The following ZMYM4 variants were observed in gnomAD, a reference collection of about 807,000 sequenced individuals.
ZMYM4 encodes zinc finger MYM-type containing 4.
In ZMYM4, 31 loss-of-function variants were observed where a neutral mutation model predicts 183.2. That is an observed-to-expected ratio of 0.17 (90% CI 0.13 to 0.23). The LOEUF (loss-of-function observed/expected upper bound fraction) is 0.23, where lower values mean the gene tolerates loss of function less well. Among genes scored for constraint, ZMYM4 ranks in the 10% least tolerant of loss-of-function variants. The pLI, the probability that ZMYM4 is intolerant of heterozygous loss-of-function variation, is 1.00. For missense variants in ZMYM4, 1,273 were observed against 1,840.3 expected, an observed-to-expected ratio of 0.69 and a Z score of 5.64; for synonymous variants, 592 against 631.2, an observed-to-expected ratio of 0.94 and a Z score of 0.93.
At chr1:35,297,062 C>G (rs1641054313) in intron 1 of ZMYM4, among the ~76,000 whole-genome samples, 1 of 151,966 alleles carries the variant, frequency 6.6e-6, no homozygotes, top group Admixed American at 6.6e-5. Context: ...GTTGGTCAGG[C>G]TGGTCTTGAA....
intron 1 of ZMYM4, among the ~76,000 whole-genome samples, chr1:35,304,911 T>C (rs1323975531): frequency 6.6e-6 from 1 of 152,154 alleles, no homozygotes; most frequent in East Asian, 1.9e-4. Flanking sequence ...TGTGGCGCAA[T>C]CTCAGCTCAC....
At chr1:35,348,752 T>G (rs1047003177) in intron 2 of ZMYM4, among the ~76,000 whole-genome samples, 2 of 152,250 alleles carry the variant, frequency 1.3e-5, no homozygotes, top group Admixed American at 1.3e-4. Context: ...TTTATTGTGT[T>G]TGTTCCCAAA....
chr1:35,393,827 G>T, intron 18 of ZMYM4, 88 bp downstream of exon 18: 1 of 1,407,058 alleles, frequency 7.1e-7, no homozygotes, highest in East Asian at 2.5e-5. Context: ...CTATTTCCTA[G>T]GTGATGTGTT....
chr1:35,309,382 G>A (rs1017332112), intron 1 of ZMYM4, among the ~76,000 whole-genome samples: 2 of 152,064 alleles, frequency 1.3e-5, no homozygotes, highest in African/African-American at 2.4e-5. Flanking sequence ...AAATTGTGCT[G>A]GGCATTGCCT....
intron 23 of ZMYM4, among the ~76,000 whole-genome samples, chr1:35,402,473 T>C (rs1196072594): frequency 1.3e-5 from 2 of 152,036 alleles, no homozygotes; most frequent in Non-Finnish European, 2.9e-5. Flanking sequence ...AAAAATTAGC[T>C]GGGCATGGTG....
chr1:35,337,276 C>T (rs1321582685), intron 2 of ZMYM4, among the ~76,000 whole-genome samples: 1 of 152,094 alleles, frequency 6.6e-6, no homozygotes, highest in Admixed American at 6.5e-5. Flanking sequence ...GCAGGGGAAT[C>T]GCTTGAACCT....
chr1:35,398,332 TG>T, intron 20 of ZMYM4, 80 bp from the exon 21 acceptor site: 1 of 1,163,344 alleles, frequency 8.6e-7, no homozygotes, highest in Non-Finnish European at 1.2e-6. Flanking sequence ...GTATGATTGA[TG>T]TATATAGTGC....
chr1:35,417,964 C>T (rs992220074), intron 28 of ZMYM4, among the ~76,000 whole-genome samples: 2 of 151,632 alleles, frequency 1.3e-5, no homozygotes, highest in South Asian at 2.1e-4. Flanking sequence ...GCGGAGATTT[C>T]GCCGTTGCAC....
At chr1:35,285,965 T>C (rs957987500) in intron 1 of ZMYM4, among the ~76,000 whole-genome samples, 2 of 152,216 alleles carry the variant, frequency 1.3e-5, no homozygotes, top group Admixed American at 6.5e-5. Context: ...CTGAGAGATT[T>C]TATCCTCAGA....
chr1:35,409,278 C>A lies in ZMYM4; in HGVS notation c.3948+1119C>A, dbSNP rs576042071. ...TTTGTTTGAACACCTATTTTCAATT[C>A]TTTTGCCATATATGCTTAGGAGTGG... On this transcript the variant is annotated intron_variant, in intron 26 of 29. Transcript: ENST00000314607. Among the ~76,000 whole-genome samples, 5 of 152,278 alleles carry A rather than the reference C, an allele frequency of 3.3e-5. No individual in the cohort carries two copies. The South Asian group carries it at 1.0e-3, about 32-fold the overall frequency.
At chr1:35,367,662 TGAAAG>T (rs1171065150) in intron 5 of ZMYM4, among the ~76,000 whole-genome samples, 2 of 152,116 alleles carry the variant, frequency 1.3e-5, no homozygotes, top group Non-Finnish European at 2.9e-5. Context: ...CAATGGCAAA[TGAAAG>T]GAATTCACTA....
At chr1:35,307,160 T>A (rs545533226) in intron 1 of ZMYM4, among the ~76,000 whole-genome samples, 4 of 152,348 alleles carry the variant, frequency 2.6e-5, no homozygotes, top group African/African-American at 9.6e-5. Context: ...CTAAATTATC[T>A]TTAAAATTAC....
chr1:35,411,816 A>C (rs1248076251), intron 26 of ZMYM4, among the ~76,000 whole-genome samples: 2 of 152,106 alleles, frequency 1.3e-5, no homozygotes, highest in African/African-American at 4.8e-5. Flanking sequence ...GTCTTACAAC[A>C]TTTTGGTTAC....
At chr1:35,360,329 T>C (rs546942157) in intron 3 of ZMYM4, among the ~76,000 whole-genome samples, 3 of 152,182 alleles carry the variant, frequency 2.0e-5, no homozygotes, top group Admixed American at 2.0e-4. Context: ...CTTTGTATTC[T>C]TGGGGCCTAA....
chr1:35,403,316 C>T (rs1644944873), intron 23 of ZMYM4, among the ~76,000 whole-genome samples: 2 of 152,136 alleles, frequency 1.3e-5, no homozygotes, highest in Non-Finnish European at 2.9e-5. Flanking sequence ...GACAGAGTCT[C>T]ACTCTGTTGC....
chr1:35,280,040 CTCTT>C (rs964347234), intron 1 of ZMYM4, among the ~76,000 whole-genome samples: 1 of 152,166 alleles, frequency 6.6e-6, no homozygotes, highest in African/African-American at 2.4e-5. Context: ...CATCTCAAAA[CTCTT>C]TCAGCCCATT....
chr1:35,415,764 C>T (rs1357748866), intron 28 of ZMYM4, 50 bp downstream of exon 28: 1 of 1,587,058 alleles, frequency 6.3e-7, no homozygotes, highest in Non-Finnish European at 8.5e-7. Flanking sequence ...AGTAGTAGTA[C>T]TAAAATAGAG....
intron 5 of ZMYM4, among the ~76,000 whole-genome samples, chr1:35,369,367 AAAATTT>A (rs1251185813): frequency 6.6e-6 from 1 of 152,198 alleles, no homozygotes; most frequent in Non-Finnish European, 1.5e-5. Context: ...AAATAAAAAC[AAAATTT>A]AAACAGCATT....
intron 1 of ZMYM4, among the ~76,000 whole-genome samples, chr1:35,317,451 A>T (rs903087116): frequency 6.8e-6 from 1 of 148,052 alleles, no homozygotes; most frequent in Admixed American, 6.6e-5. Flanking sequence ...AAATAAATAA[A>T]TAGATAGATA....
Sources: gnomAD v4.1 joint callset for allele counts (sites outside exome capture counted in the v4.1 genomes callset) on GRCh38, gnomAD v4.1.1 for gene constraint, MANE v1.5 for transcripts, NCBI Gene and HGNC (gene_info 2026-07-23, HGNC 2026-07-21) for gene names.